The following VTI1A variants were observed in gnomAD, a reference collection of about 807,000 sequenced individuals.
VTI1A encodes the protein vesicle transport through interaction with t-SNAREs homolog 1A.
In VTI1A, 22 loss-of-function variants were observed where a neutral mutation model predicts 34.9. The ratio of observed to expected loss-of-function variants is 0.63; its 90% CI spans 0.45 to 0.90. The LOEUF is 0.90. VTI1A is among the 40% of genes least tolerant of loss of function. The pLI is 0.00. For synonymous variants in VTI1A, 87 were observed against 97.3 expected (o/e 0.89, Z 0.62); for missense variants, 268 against 275.6 (o/e 0.97, Z 0.20).
chr10:112,580,872 A>G (rs146538151), intron 5 of VTI1A, among the ~76,000 whole-genome samples: 129 of 152,330 alleles, frequency 8.5e-4, no homozygotes, highest in Middle Eastern at 3.4e-3. Context: ...AATATAGAAT[A>G]TTTAGGAATA....
chr10:112,474,194 T>G (rs1848200229), intron 3 of VTI1A, among the ~76,000 whole-genome samples: 1 of 152,112 alleles, frequency 6.6e-6, no homozygotes, highest in Admixed American at 6.5e-5. Context: ...CCCGAGTAGC[T>G]GGGACCACAG....
chr10:112,729,403 A>G (rs902241993), intron 7 of VTI1A, among the ~76,000 whole-genome samples: 1 of 152,204 alleles, frequency 6.6e-6, no homozygotes, highest in Non-Finnish European at 1.5e-5. Context: ...CTGTGGTAGT[A>G]ATTGTGATGT....
At chr10:112,712,550 G>C (rs564329356) in intron 7 of VTI1A, among the ~76,000 whole-genome samples, 2 of 151,840 alleles carry the variant, frequency 1.3e-5, no homozygotes, top group African/African-American at 2.4e-5. Flanking sequence ...TTACTCCAGA[G>C]GGGGAAGAAA....
At chr10:112,543,204 C>T (rs184392285) in intron 5 of VTI1A, among the ~76,000 whole-genome samples, 90 of 151,936 alleles carry the variant, frequency 5.9e-4, no homozygotes, top group Admixed American at 9.1e-4. Context: ...GTAATGGGAT[C>T]GCTGAGTCAA....
At chr10:112,588,417 A>G (rs932552774) in intron 5 of VTI1A, among the ~76,000 whole-genome samples, 3 of 152,220 alleles carry the variant, frequency 2.0e-5, no homozygotes, top group African/African-American at 7.2e-5. Context: ...ACTTCACAGT[A>G]GTATATTTGT....
intron 7 of VTI1A, among the ~76,000 whole-genome samples, chr10:112,782,394 G>A (rs572816576): frequency 6.6e-6 from 1 of 152,376 alleles, no homozygotes; most frequent in South Asian, 2.1e-4. Context: ...AAGGCCCTTT[G>A]GCGTCTTTTT....
chr10:112,558,137 C>T (rs531101224), intron 5 of VTI1A, among the ~76,000 whole-genome samples: 2 of 152,242 alleles, frequency 1.3e-5, no homozygotes, highest in East Asian at 3.9e-4. Context: ...TAGTGAATGT[C>T]TAGTCTGAGC....
At chr10:112,845,795 A>G in the VTI1A span, among the ~76,000 whole-genome samples, 1 of 152,206 alleles carries the variant, frequency 6.6e-6, no homozygotes, top group East Asian at 1.9e-4. Flanking sequence ...AGGCAGGCAG[A>G]TCATTTGAGG....
At chr10:112,754,180 G>A (rs574180730) in intron 7 of VTI1A, among the ~76,000 whole-genome samples, 3 of 152,330 alleles carry the variant, frequency 2.0e-5, no homozygotes, top group African/African-American at 7.2e-5. Flanking sequence ...GAAAGGGACT[G>A]TTGACTTCTC....
At chr10:112,534,782 G>T (rs559484465) in intron 4 of VTI1A, among the ~76,000 whole-genome samples, 5 of 152,246 alleles carry the variant, frequency 3.3e-5, no homozygotes, top group African/African-American at 1.2e-4. Flanking sequence ...TGAGGTGAGG[G>T]ATAACATAAA....
intron 7 of VTI1A, among the ~76,000 whole-genome samples, chr10:112,813,138 C>T (rs74533551): frequency 0.014 from 2,072 of 152,224 alleles, 55 homozygotes; most frequent in African/African-American, 0.047. Flanking sequence ...ACAGAGCGGG[C>T]GGTGGAGGGG....
chr10:112,532,438 C>G (rs1564815915), intron 4 of VTI1A, among the ~76,000 whole-genome samples: 1 of 152,168 alleles, frequency 6.6e-6, no homozygotes, highest in Non-Finnish European at 1.5e-5. Context: ...TAGTCTGTTA[C>G]AACATAGGTT....
chr10:112,601,899 G>C (rs1400932389), intron 5 of VTI1A, among the ~76,000 whole-genome samples: 1 of 152,148 alleles, frequency 6.6e-6, no homozygotes, highest in East Asian at 1.9e-4. Flanking sequence ...ATTACAACTA[G>C]GGTCCCTTAG....
intron 3 of VTI1A, 185 bp downstream of exon 3, chr10:112,464,842 A>G (rs1847844703): frequency 5.0e-6 from 3 of 601,058 alleles, no homozygotes; most frequent in Non-Finnish European, 8.8e-6. Flanking sequence ...AATTTAAGGT[A>G]TGTTGGATTA....
intron 5 of VTI1A, among the ~76,000 whole-genome samples, chr10:112,659,798 A>G (rs1051816853): frequency 6.6e-6 from 1 of 152,218 alleles, no homozygotes; most frequent in East Asian, 1.9e-4. Context: ...GTTTACCTTC[A>G]GTTGAGATGA....
the VTI1A span, among the ~76,000 whole-genome samples, chr10:112,842,044 TTTTTTCC>T: frequency 7.2e-6 from 1 of 138,268 alleles, no homozygotes; most frequent in African/African-American, 2.7e-5. Context: ...TTTCTTTTTT[TTTTTTCC>T]TTTTTTTTTT....
chr10:112,520,387 T>G (rs1249355766), intron 3 of VTI1A, among the ~76,000 whole-genome samples: 1 of 152,056 alleles, frequency 6.6e-6, no homozygotes, highest in African/African-American at 2.4e-5. Context: ...TACTAACTTA[T>G]GTTGCCTTTT....
At position 112,769,804 on chromosome 10, in the gene VTI1A, A is replaced by G. The variant is rs147212419; in HGVS notation, c.561-45486A>G. Among the ~76,000 whole-genome samples, 128 of 152,292 alleles carry G rather than the reference A, an allele frequency of 8.4e-4. 1 individual carries two copies. Among genetic ancestry groups the G allele is most frequent in the African/African-American group, 3.1e-3 (127 of 41,572 alleles). On this transcript the variant is annotated intron_variant, in intron 7 of 7. Coordinates refer to ENST00000393077, the MANE Select transcript of VTI1A (RefSeq NM_145206.4). ...TAGCCTGGAGAAAGAGCAGGTAGGA[A>G]TCTGGGAAATAACCCAGGTCAGAGG...
At chr10:112,775,251 A>G (rs892798204) in intron 7 of VTI1A, among the ~76,000 whole-genome samples, 2 of 152,222 alleles carry the variant, frequency 1.3e-5, no homozygotes, top group African/African-American at 2.4e-5. Flanking sequence ...AAATTCTTCA[A>G]AGTACCACTG....
Sources: allele counts gnomAD v4.1 joint callset (sites outside exome capture counted in the v4.1 genomes callset), GRCh38; gene constraint gnomAD v4.1.1; transcripts MANE v1.5; gene names NCBI Gene and HGNC (gene_info 2026-07-23, HGNC 2026-07-21).